UTP20: variants seen among roughly 807,000 people sequenced by gnomAD.
UTP20 encodes small subunit processome component 20 homolog.
UTP20 carries 164 observed loss-of-function variants against 329.5 expected under a neutral mutation model. The observed-to-expected ratio is 0.50, with a 90% CI of 0.44 to 0.57. The LOEUF is 0.57. Among genes scored for constraint, UTP20 ranks in the 20% least tolerant of loss-of-function variants. UTP20 has a pLI of 0.00. For synonymous variants in UTP20, 1,151 were observed against 1,159.3 expected (o/e 0.99, Z 0.14); for missense variants, 3,055 against 3,284.2 (o/e 0.93, Z 1.71).
At position 101,342,921 on chromosome 12, in the gene UTP20, T is replaced by G. The variant is rs768862031; in HGVS notation, c.4297-20T>G. The G allele has an allele frequency of 1.7e-5, 27 of 1,610,104 alleles. No homozygotes were observed. Among genetic ancestry groups the G allele is most frequent in the Admixed American group, 1.7e-5 (1 of 59,200 alleles). On this transcript the variant is annotated intron_variant, in intron 34 of 61. Transcript: ENST00000261637. ...ATTTATATGCCTTCTTTTATATAACTTCAATGGCATTTCTTATAGCTTAAC... is the reference window on the plus strand; with the variant it reads ...ATTTATATGCCTTCTTTTATATAACGTCAATGGCATTTCTTATAGCTTAAC...
intron 12 of UTP20, among the ~76,000 whole-genome samples, chr12:101,297,010 T>G (rs1306286868): frequency 6.6e-6 from 1 of 152,106 alleles, no homozygotes; most frequent in African/African-American, 2.4e-5. Flanking sequence ...CTTATTTCTC[T>G]TGGAGTAGTT....
intron 29 of UTP20, among the ~76,000 whole-genome samples, chr12:101,335,666 T>A (rs1470700676): frequency 6.6e-6 from 1 of 152,246 alleles, no homozygotes; most frequent in Non-Finnish European, 1.5e-5. Flanking sequence ...ATCATAGTCT[T>A]GGTTTTTACA....
At chr12:101,313,558 G>C (rs1446773181) in intron 21 of UTP20, among the ~76,000 whole-genome samples, 1 of 152,112 alleles carries the variant, frequency 6.6e-6, no homozygotes, top group East Asian at 1.9e-4. Flanking sequence ...TGAGGAGATT[G>C]CAAGTCCAAG....
rs1868871775 is a variant in UTP20, at chr12:101,334,522, T to C, written c.3641+18T>C. 1 of 1,601,224 alleles carries C rather than the reference T, an allele frequency of 6.2e-7. No homozygotes were observed. Among genetic ancestry groups the C allele is most frequent in the Non-Finnish European group, 8.5e-7 (1 of 1,176,266 alleles). ...AACGCAAGGTATAACCTTTCTTTTT[T>C]CCTTCTTTAAAAAGGGCAGTGTTTT... On this transcript the variant is annotated intron_variant, in intron 29 of 61. Coordinates refer to ENST00000261637, the MANE Select transcript of UTP20 (RefSeq NM_014503.3).
At chr12:101,283,900 T>G (rs1439044203) in intron 2 of UTP20, among the ~76,000 whole-genome samples, 1 of 152,136 alleles carries the variant, frequency 6.6e-6, no homozygotes, top group African/African-American at 2.4e-5. Context: ...TTTTTAATTT[T>G]TAGTTTTTAA....
chr12:101,357,211 T>C (rs1182214169), intron 43 of UTP20, 129 bp downstream of exon 43: 3 of 789,520 alleles, frequency 3.8e-6, no homozygotes, highest in African/African-American at 1.8e-5. Flanking sequence ...AGCAGTAATA[T>C]TCAAAAGTTT....
At chr12:101,362,107 C>A (rs747549033) in intron 44 of UTP20, 47 bp downstream of exon 44, 9 of 1,363,146 alleles carry the variant, frequency 6.6e-6, no homozygotes, top group South Asian at 2.4e-5. Context: ...AGTGGGCCAA[C>A]GACACAAAAA....
chr12:101,332,092 C>T (rs1868777879), intron 27 of UTP20, among the ~76,000 whole-genome samples: 1 of 152,078 alleles, frequency 6.6e-6, no homozygotes, highest in African/African-American at 2.4e-5. Context: ...AATCCCAGCA[C>T]TTTGGGAGTC....
In UTP20 at chr12:101,342,602, C is replaced by A. The variant is rs149055840; in HGVS notation, c.4245+13C>A. The stretch of plus-strand genomic sequence containing the variant: ...TACGGTTTTTGAGGTCTGTACTATT[C>A]ATTTTTACTCCAAATCACCCTTTTA... On this transcript the variant is annotated intron_variant, in intron 33 of 61. Transcript: ENST00000261637. The A allele has an allele frequency of 2.5e-6, 4 of 1,596,786 alleles. No homozygotes were observed. The highest frequency in any genetic ancestry group is 2.3e-5 in the South Asian group (2 of 87,502).
At chr12:101,357,567 A>G (rs1011488154) in intron 43 of UTP20, among the ~76,000 whole-genome samples, 3 of 152,190 alleles carry the variant, frequency 2.0e-5, no homozygotes, top group African/African-American at 7.2e-5. Flanking sequence ...CCTGGTTAAC[A>G]TAGTGAGACC....
rs1428937469 is a variant in UTP20 at position 101,342,394 on chromosome 12, G to A, written c.4102-52G>A. ...GCTATAATATATTAAAGTATAAGTT[G>A]ACCAGTTTATAACTTACTGAAATAT... On this transcript the variant is annotated intron_variant, in intron 32 of 61. Transcript: ENST00000261637. 8 of 1,437,268 alleles carry A rather than the reference G, an allele frequency of 5.6e-6. No homozygotes were observed. In the African/African-American group the frequency reaches 1.1e-4, roughly 21 times the overall value. The allele number at this position is 1,437,268 out of a possible 1,614,324, so 89.0% of individuals were successfully genotyped here.
chr12:101,302,494 G>C lies in UTP20; in HGVS notation c.1722G>C (p.Leu574Phe). 1 of 1,610,630 alleles carries C rather than the reference G, an allele frequency of 6.2e-7. No individual in the cohort carries two copies. Residue 574 changes from leucine to phenylalanine, a missense_variant, in exon 15 of 62, where the codon TTG becomes TTC. Leu to Phe is a conservative substitution (Grantham distance 22). Transcript: ENST00000261637. ...LCQAVNTLLS[L>F]EESSELLHLV... is the part of the protein sequence containing the mutation. ...AAGCTGTAAATACTCTACTAAGTTT[G>C]GAAGAATCTTCTGAACTTCTTCATT...
Position 101,379,354 on chromosome 12 carries a change from C to T in UTP20, c.7397-17C>T. 6.4e-7 allele frequency: 1 copy of T among 1,570,462 alleles called. No individual in the cohort carries two copies. On this transcript the variant is annotated splice_polypyrimidine_tract_variant and intron_variant, in intron 56 of 61. Transcript: ENST00000261637. ...GAAGGCCATGTGACATCCACAAATGCTTTTTGGTTCCCTTAGGTCATGTGC... is the reference window on the plus strand; with the variant it reads ...GAAGGCCATGTGACATCCACAAATGTTTTTTGGTTCCCTTAGGTCATGTGC...
chr12:101,329,993 T>G (rs1204947273), intron 27 of UTP20, among the ~76,000 whole-genome samples: 2 of 145,554 alleles, frequency 1.4e-5, no homozygotes, highest in Admixed American at 1.4e-4. Flanking sequence ...AGACTCTGCC[T>G]CTTAAAAAAA....
At position 101,302,519 on chromosome 12, in the gene UTP20, T is replaced by A; in HGVS notation, c.1747T>A (p.Leu583Met). The A allele has an allele frequency of 6.2e-7, 1 of 1,611,200 alleles. No homozygotes were observed. The highest frequency in any genetic ancestry group is 1.7e-5 in the Admixed American group (1 of 59,506). The change falls in exon 15 of 62, where the codon TTG (leucine) becomes ATG (methionine). Residue 583 changes from leucine (L) to methionine (M), a missense_variant. By Grantham distance (15) the Leu-to-Met change is conservative. Transcript: ENST00000261637. The part of the protein sequence containing the change: ...SLEESSELLH[L>M]VPVERVKNLV... The stretch of plus-strand genomic sequence containing the variant: ...GGAAGAATCTTCTGAACTTCTTCAT[T>A]TGGTTCCTGTGGAACGTGTGAAGAA...
Position 101,373,958 on chromosome 12 carries a change from G to A in UTP20, c.7131+191G>A, listed in dbSNP as rs188090924. On this transcript the variant is annotated intron_variant, in intron 54 of 61. Transcript: ENST00000261637. ...GAAGTTATAAAAAGTAATATAGGCC[G>A]GGCGCGGTGGCTCACGCCTGTAATC... Among the ~76,000 whole-genome samples, 815 of 152,270 alleles carry A rather than the reference G, an allele frequency of 5.4e-3. 5 individuals are homozygous for A. The highest frequency in any genetic ancestry group is 0.019 in the African/African-American group (770 of 41,564).
rs574176448 is a variant in UTP20, at chr12:101,352,069, C to T, written c.4899C>T (p.Thr1633=). The change falls in exon 39 of 62, where the codon ACC becomes ACT. Residue 1633 remains threonine, a synonymous_variant. Transcript: ENST00000261637. ...DEKMLKHENI[T]TAATEIIGAI... is the part of the protein sequence containing the mutation. Reference sequence around the variant, plus strand: ...TTGTTTTACAGCATGAAAATATAACCACTGCTGCCACAGAGATTATTGGAG... The same window carrying T: ...TTGTTTTACAGCATGAAAATATAACTACTGCTGCCACAGAGATTATTGGAG... 11 of 1,613,426 alleles carry T rather than the reference C, an allele frequency of 6.8e-6. No individual in the cohort carries two copies. The Admixed American group carries it at 8.3e-5, about 12-fold the overall frequency.
chr12:101,312,974 C>T (rs1872843009), intron 21 of UTP20, among the ~76,000 whole-genome samples: 2 of 152,136 alleles, frequency 1.3e-5, no homozygotes, highest in African/African-American at 4.8e-5. Context: ...CCCTGTTATT[C>T]ATTATTTTAT....
chr12:101,320,433 G>A (rs1873112235), intron 23 of UTP20, among the ~76,000 whole-genome samples: 1 of 152,102 alleles, frequency 6.6e-6, no homozygotes, highest in South Asian at 2.1e-4. Context: ...GTGGGTGCCT[G>A]TGGTTCCAGC....
Sources: allele counts gnomAD v4.1 joint callset (sites outside exome capture counted in the v4.1 genomes callset), GRCh38; gene constraint gnomAD v4.1.1; transcripts MANE v1.5; gene names NCBI Gene and HGNC (gene_info 2026-07-23, HGNC 2026-07-21).